SLC25A13: variants seen among roughly 807,000 people sequenced by gnomAD.
SLC25A13 encodes the protein solute carrier family 25 member 13, also known as electrogenic aspartate/glutamate antiporter SLC25A13, mitochondrial.
Under a neutral mutation model 85.5 loss-of-function variants are expected in SLC25A13, and 70 were observed. The observed-to-expected ratio is 0.82, with a 90% CI of 0.68 to 1.00. SLC25A13 has a LOEUF of 1.00. SLC25A13 is among the 50% of genes least tolerant of loss of function. SLC25A13 has a pLI of 0.00. For missense variants in SLC25A13, 765 were observed against 819.8 expected (o/e 0.93, Z 0.82); for synonymous variants, 259 against 288.7 (o/e 0.90, Z 1.04).
intron 4 of SLC25A13, among the ~76,000 whole-genome samples, chr7:96,211,537 T>C (rs1795696759): frequency 6.6e-6 from 1 of 152,208 alleles, no homozygotes; most frequent in African/African-American, 2.4e-5. Context: ...TTTGTGCATA[T>C]TTATTGCACG....
At chr7:96,210,743 T>C (rs148077193) in intron 4 of SLC25A13, among the ~76,000 whole-genome samples, 75 of 152,078 alleles carry the variant, frequency 4.9e-4, no homozygotes, top group African/African-American at 1.7e-3. Context: ...CTAATGAAAA[T>C]AATGCTCAAA....
intron 1 of SLC25A13, among the ~76,000 whole-genome samples, chr7:96,298,142 C>T (rs1454272152): frequency 6.6e-6 from 1 of 152,194 alleles, no homozygotes; most frequent in Non-Finnish European, 1.5e-5. Flanking sequence ...ACACTGGACC[C>T]ATGTTGCTAT....
intron 3 of SLC25A13, among the ~76,000 whole-genome samples, chr7:96,237,940 T>C (rs1314145998): frequency 6.6e-6 from 1 of 152,196 alleles, no homozygotes; most frequent in Non-Finnish European, 1.5e-5. Context: ...GTGGGACATG[T>C]AGTACAGTGT....
At chr7:96,143,221 A>G (rs559516449) in intron 14 of SLC25A13, among the ~76,000 whole-genome samples, 3 of 152,216 alleles carry the variant, frequency 2.0e-5, no homozygotes, top group Admixed American at 6.5e-5. Context: ...CTGTTAAATG[A>G]TAAGTTTCAT....
intron 4 of SLC25A13, among the ~76,000 whole-genome samples, chr7:96,218,059 A>C (rs1795966821): frequency 6.6e-6 from 1 of 152,160 alleles, no homozygotes; most frequent in Non-Finnish European, 1.5e-5. Context: ...GACTAGTACA[A>C]TGTTCTAAAC....
chr7:96,236,617 C>T lies in SLC25A13; in HGVS notation c.213-1700G>A, dbSNP rs569129759. Among the ~76,000 whole-genome samples, 3 of 152,242 alleles carry T rather than the reference C, an allele frequency of 2.0e-5. 1 individual carries two copies. The highest frequency in any genetic ancestry group is 4.8e-5 in the African/African-American group (2 of 41,522). On this transcript the variant is annotated intron_variant, in intron 3 of 17. Transcript: ENST00000265631. ...CCTCCTCATTTTACTTGTGAGGAAACGGAAACTGGAAAAAGTTAATGACCT... is the reference window on the plus strand; with the variant it reads ...CCTCCTCATTTTACTTGTGAGGAAATGGAAACTGGAAAAAGTTAATGACCT...
At chr7:96,311,299 T>C (rs1443916860) in intron 1 of SLC25A13, among the ~76,000 whole-genome samples, 1 of 152,138 alleles carries the variant, frequency 6.6e-6, no homozygotes, top group Non-Finnish European at 1.5e-5. Context: ...CTCATGTGAG[T>C]ACCCAGTACC....
At chr7:96,247,123 G>C (rs563725351) in intron 3 of SLC25A13, among the ~76,000 whole-genome samples, 1 of 152,208 alleles carries the variant, frequency 6.6e-6, no homozygotes, top group South Asian at 2.1e-4. Context: ...GTGTACTATA[G>C]AGCCATATGC....
chr7:96,280,306 T>C (rs1798622941), intron 2 of SLC25A13, among the ~76,000 whole-genome samples: 1 of 152,226 alleles, frequency 6.6e-6, no homozygotes, highest in Non-Finnish European at 1.5e-5. Context: ...AGACATTGAA[T>C]TATTTTACAC....
At chr7:96,184,648 T>TAAATTAAGGCACATTGCTAC in intron 10 of SLC25A13, 1 of 643,238 alleles carries the variant, frequency 1.6e-6, no homozygotes, top group Non-Finnish European at 2.7e-6. Flanking sequence ...ATAGATATTT[T>TAAATTAAGGCACATTGCTAC]AAATTAAGGC....
At chr7:96,186,951 T>C (rs1161429222) in intron 9 of SLC25A13, among the ~76,000 whole-genome samples, 1 of 152,234 alleles carries the variant, frequency 6.6e-6, no homozygotes, top group Admixed American at 6.5e-5. Context: ...TTACAGTAGC[T>C]AAAACTAGGT....
chr7:96,287,946 T>C (rs1251175676), intron 2 of SLC25A13, among the ~76,000 whole-genome samples: 1 of 152,242 alleles, frequency 6.6e-6, no homozygotes, highest in Non-Finnish European at 1.5e-5. Context: ...TTTCTGTCAC[T>C]GGAGTTTTAC....
intron 14 of SLC25A13, among the ~76,000 whole-genome samples, chr7:96,139,115 G>A (rs1373494375): frequency 6.6e-6 from 1 of 152,148 alleles, no homozygotes; most frequent in Non-Finnish European, 1.5e-5. Flanking sequence ...TGCTTTACAT[G>A]CATTATTTTA....
intron 2 of SLC25A13, among the ~76,000 whole-genome samples, chr7:96,282,970 G>A (rs918929692): frequency 4.6e-5 from 7 of 152,044 alleles, no homozygotes; most frequent in Non-Finnish European, 1.0e-4. Context: ...ATAATAATCT[G>A]AGTTGATATA....
chr7:96,229,817 G>A (rs1796467724), intron 4 of SLC25A13, among the ~76,000 whole-genome samples: 1 of 152,046 alleles, frequency 6.6e-6, no homozygotes. Context: ...AACATAAGAA[G>A]GAACAAACTC....
intron 13 of SLC25A13, among the ~76,000 whole-genome samples, chr7:96,164,072 T>C (rs1036729116): frequency 6.6e-6 from 1 of 152,212 alleles, no homozygotes; most frequent in African/African-American, 2.4e-5. Context: ...ATGCCACATC[T>C]CCCATTCAGA....
intron 3 of SLC25A13, among the ~76,000 whole-genome samples, chr7:96,274,327 T>C (rs137910230): frequency 0.032 from 4,806 of 152,356 alleles, 192 homozygotes; most frequent in African/African-American, 0.093. Context: ...TGTCTGTTCA[T>C]ATCCTTCGCC....
At chr7:96,239,676 C>T (rs77962736) in intron 3 of SLC25A13, among the ~76,000 whole-genome samples, 1,620 of 152,222 alleles carry the variant, frequency 0.011, 27 homozygotes, top group African/African-American at 0.037. Context: ...AACATGAAAG[C>T]AAATGTACAA....
intron 4 of SLC25A13, among the ~76,000 whole-genome samples, chr7:96,222,014 TATA>T (rs2116764947): frequency 6.6e-6 from 1 of 152,306 alleles, no homozygotes; most frequent in Non-Finnish European, 1.5e-5. Context: ...TTGGTGCAAA[TATA>T]ATAAGTTTGC....
Sources: gnomAD v4.1 joint callset for allele counts (sites outside exome capture counted in the v4.1 genomes callset) on GRCh38, gnomAD v4.1.1 for gene constraint, MANE v1.5 for transcripts, NCBI Gene and HGNC (gene_info 2026-07-23, HGNC 2026-07-21) for gene names.